FNDC3A: variants seen among roughly 807,000 people sequenced by gnomAD.
FNDC3A encodes the protein fibronectin type-III domain-containing protein 3A.
FNDC3A carries 32 observed loss-of-function variants against 148.9 expected under a neutral mutation model. The ratio of observed to expected loss-of-function variants is 0.21; its 90% confidence interval spans 0.16 to 0.29. The LOEUF is 0.29. Ranked by LOEUF, FNDC3A falls within the 10% of genes least tolerant of loss-of-function variation. The probability of loss-of-function intolerance (pLI) is 1.00; values close to 1 mark genes in which losing one functional copy is unlikely to be tolerated. For missense variants in FNDC3A, 1,191 were observed against 1,452.8 expected, an observed-to-expected ratio of 0.82 and a Z score of 2.93; for synonymous variants, 472 against 473.6, an observed-to-expected ratio of 1.00 and a Z score of 0.04.
intron 2 of FNDC3A, among the ~76,000 whole-genome samples, chr13:49,072,964 T>A (rs1363686562): frequency 6.6e-6 from 1 of 152,230 alleles, no homozygotes; most frequent in African/African-American, 2.4e-5. Context: ...TTCTGTCTCT[T>A]GCCTAATTTC....
At chr13:49,035,068 G>A (rs572692236) in intron 2 of FNDC3A, among the ~76,000 whole-genome samples, 4 of 152,114 alleles carry the variant, frequency 2.6e-5, no homozygotes, top group African/African-American at 9.6e-5. Context: ...TTACTGTAAA[G>A]TCCTTATATT....
intron 7 of FNDC3A, among the ~76,000 whole-genome samples, chr13:49,142,595 A>G (rs935665632): frequency 1.3e-5 from 2 of 152,218 alleles, no homozygotes; most frequent in Non-Finnish European, 1.5e-5. Context: ...ATGCAACTCT[A>G]TAATTCACCT....
At chr13:48,990,403 TAAAAA>T (rs1425279571) in intron 1 of FNDC3A, among the ~76,000 whole-genome samples, 1 of 151,424 alleles carries the variant, frequency 6.6e-6, no homozygotes, top group Admixed American at 6.6e-5. Context: ...ATATAGGATT[TAAAAA>T]AAATTATTAT....
At chr13:48,999,595 A>G (rs1004323883) in intron 1 of FNDC3A, among the ~76,000 whole-genome samples, 1 of 152,152 alleles carries the variant, frequency 6.6e-6, no homozygotes, top group African/African-American at 2.4e-5. Flanking sequence ...TGAATTTTGG[A>G]AGGTCAGGGG....
chr13:48,978,894 T>C (rs1433838118), intron 1 of FNDC3A, among the ~76,000 whole-genome samples: 2 of 152,186 alleles, frequency 1.3e-5, no homozygotes, highest in Non-Finnish European at 2.9e-5. Flanking sequence ...ATTTTGTACT[T>C]TTACATGTAT....
intron 8 of FNDC3A, among the ~76,000 whole-genome samples, chr13:49,157,629 G>GT (rs1214717359): frequency 2.0e-5 from 3 of 150,658 alleles, no homozygotes; most frequent in Admixed American, 6.6e-5. Flanking sequence ...TTTCTGTTCT[G>GT]TTTTTTCCCC....
At chr13:48,988,260 G>C (rs1039421397) in intron 1 of FNDC3A, among the ~76,000 whole-genome samples, 1 of 152,084 alleles carries the variant, frequency 6.6e-6, no homozygotes, top group Non-Finnish European at 1.5e-5. Context: ...AATTAACAAG[G>C]ATATTAAGGA....
rs1025550865 is a variant in FNDC3A, at chr13:49,066,695, CT to C, written c.100-8584del. On this transcript the variant is annotated intron_variant, in intron 2 of 25. Coordinates refer to ENST00000492622, the MANE Select transcript of FNDC3A (RefSeq NM_001079673.2). ...TATTCTTTTTTTTTTTAACAACATT[CT>C]TTTTTTTTTAATATATACTTTAAGT... Among the ~76,000 whole-genome samples the C allele has an allele frequency of 4.9e-4, 72 of 147,110 alleles. 1 individual carries two copies. The highest frequency in any genetic ancestry group is 1.1e-4 in the Non-Finnish European group (7 of 66,292).
At chr13:49,022,034 A>AT (rs1285578805) in intron 2 of FNDC3A, among the ~76,000 whole-genome samples, 3 of 152,302 alleles carry the variant, frequency 2.0e-5, no homozygotes, top group Non-Finnish European at 2.9e-5. Flanking sequence ...GTAAAAAGGT[A>AT]TTTTTTTCAT....
At chr13:49,097,296 C>A (rs1487133843) in intron 3 of FNDC3A, among the ~76,000 whole-genome samples, 1 of 148,976 alleles carries the variant, frequency 6.7e-6, no homozygotes, top group Non-Finnish European at 1.5e-5. Flanking sequence ...CCAAATATTT[C>A]TTTTAGATGA....
intron 8 of FNDC3A, among the ~76,000 whole-genome samples, chr13:49,162,140 T>A (rs779027798): frequency 2.6e-5 from 4 of 152,186 alleles, no homozygotes; most frequent in Non-Finnish European, 5.9e-5. Context: ...TTTCGTAAAT[T>A]TGAATGTTGG....
intron 2 of FNDC3A, among the ~76,000 whole-genome samples, chr13:49,039,953 ATC>A (rs1402277429): frequency 1.3e-5 from 2 of 152,222 alleles, no homozygotes; most frequent in Non-Finnish European, 2.9e-5. Flanking sequence ...ACCTCAGGTG[ATC>A]TGCCTGCCTC....
chr13:49,198,097 A>G lies in FNDC3A; in HGVS notation c.2606A>G (p.Asn869Ser). 2 of 1,614,154 alleles carry G rather than the reference A, an allele frequency of 1.2e-6. No homozygotes were observed. The change falls in exon 22 of 26, where the codon AAT becomes AGT. Residue 869 changes from asparagine to serine, a missense_variant. Physicochemically the swap from Asn to Ser is conservative, Grantham distance 46. This residue lies in a region of FNDC3A where 751 missense variants were observed against 944.0 expected (regional missense o/e 0.80). Coordinates refer to ENST00000492622, the MANE Select transcript of FNDC3A (RefSeq NM_001079673.2). ...LQEISDDEIE[N>S]PHYSPSTCLA... is the part of the protein sequence containing the mutation. Reference sequence around the variant, plus strand: ...GAAATAAGCGATGATGAGATAGAAAATCCCCATTATTCACCTTCTACATGC... The same window carrying G: ...GAAATAAGCGATGATGAGATAGAAAGTCCCCATTATTCACCTTCTACATGC...
At chr13:49,059,486 C>T (rs921193071) in intron 2 of FNDC3A, among the ~76,000 whole-genome samples, 10 of 152,194 alleles carry the variant, frequency 6.6e-5, no homozygotes, top group Non-Finnish European at 1.0e-4. Context: ...ATGGAGCTCT[C>T]GCTCTGTTGC....
chr13:49,191,365 G>A lies in FNDC3A; in HGVS notation c.2207G>A (p.Arg736His). 6.3e-6 allele frequency: 10 copies of A among 1,595,348 alleles called. No individual in the cohort carries two copies. Among genetic ancestry groups the A allele is most frequent in the South Asian group, 3.4e-5 (3 of 87,154 alleles). Residue 736 changes from arginine (R) to histidine (H), a missense_variant, in exon 19 of 26, where the codon CGT becomes CAT. Around this residue, in one of 3 missense-constraint regions of FNDC3A, gnomAD observed 751 missense variants for 944.0 expected, o/e 0.80. Coordinates refer to ENST00000492622, the MANE Select transcript of FNDC3A (RefSeq NM_001079673.2). ...LPGKTYSFRL[R>H]AANKMGFGPF... The stretch of plus-strand genomic sequence containing the variant: ...GGAAAGACATACAGCTTCAGACTAC[G>A]TGCAGCTAACAAAATGGGGGTAAGA...
chr13:49,173,326 A>T (rs1023158508), intron 11 of FNDC3A, among the ~76,000 whole-genome samples: 7 of 152,264 alleles, frequency 4.6e-5, no homozygotes, highest in Admixed American at 4.6e-4. Flanking sequence ...ATAATTTAGA[A>T]TTAGGAAACC....
chr13:49,048,149 G>A (rs1419560486), intron 2 of FNDC3A, among the ~76,000 whole-genome samples: 1 of 151,986 alleles, frequency 6.6e-6, no homozygotes, highest in Non-Finnish European at 1.5e-5. Context: ...CCAATGATCT[G>A]TGTGCCTGTT....
At chr13:48,990,090 AAAGAT>A (rs1376568398) in intron 1 of FNDC3A, among the ~76,000 whole-genome samples, 1 of 152,136 alleles carries the variant, frequency 6.6e-6, no homozygotes, top group African/African-American at 2.4e-5. Context: ...AAAACAGAAC[AAAGAT>A]AAGGGTGACA....
intron 8 of FNDC3A, among the ~76,000 whole-genome samples, chr13:49,151,140 A>G (rs1883267880): frequency 1.3e-5 from 2 of 152,048 alleles, no homozygotes; most frequent in African/African-American, 4.8e-5. Flanking sequence ...TTTCTTTGTT[A>G]ATTTTCTGTC....
Sources: gnomAD v4.1 joint callset for allele counts (sites outside exome capture counted in the v4.1 genomes callset) on GRCh38, gnomAD v4.1.1 for gene constraint, gnomAD v4.1.1 regional missense constraint, MANE v1.5 for transcripts, NCBI Gene and HGNC (gene_info 2026-07-23, HGNC 2026-07-21) for gene names.